Variants in IQSEC3 observed in about 807,000 individuals in gnomAD.
IQSEC3 encodes IQ motif and Sec7 domain ArfGEF 3, also known as IQ motif and SEC7 domain-containing protein 3.
IQSEC3 carries 50 observed loss-of-function variants against 105.4 expected under a neutral mutation model. The observed-to-expected ratio is 0.47, with a 90% CI of 0.38 to 0.60. The LOEUF (loss-of-function observed/expected upper bound fraction) is 0.60, where lower values mean the gene tolerates loss of function less well. Among genes scored for constraint, IQSEC3 ranks in the 20% least tolerant of loss-of-function variants. The pLI is 0.00. For synonymous variants in IQSEC3, 708 were observed against 746.0 expected, an observed-to-expected ratio of 0.95 and a Z score of 0.83; for missense variants, 1,415 against 1,630.0, an observed-to-expected ratio of 0.87 and a Z score of 2.27.
rs111812836 is a variant in IQSEC3 at position 166,039 on chromosome 12, G to T, written c.2971+149G>T. 36 of 782,502 alleles carry T rather than the reference G, an allele frequency of 4.6e-5. No individual in the cohort carries two copies. The African/African-American group carries it at 5.0e-4, about 11-fold the overall frequency. 48.5% of individuals were successfully genotyped at this position (782,502 alleles called of 1,614,324 possible). ...GGCCCCACCGCACCACACTCCCACA[G>T]CCCGGGTGGGAGCACCGGTTCCCAT... On this transcript the variant is annotated intron_variant, in intron 11 of 13. Transcript: ENST00000538872.
intron 2 of IQSEC3, among the ~76,000 whole-genome samples, chr12:101,663 GTCTA>G (rs1427779944): frequency 2.0e-5 from 3 of 152,148 alleles, no homozygotes; most frequent in African/African-American, 4.8e-5. Flanking sequence ...AAGTTGTCCT[GTCTA>G]TCTGTCTGAT....
intron 2 of IQSEC3, among the ~76,000 whole-genome samples, chr12:107,818 T>C (rs1555078468): frequency 8.9e-6 from 1 of 112,708 alleles, no homozygotes; most frequent in Non-Finnish European, 2.0e-5. Context: ...AATTCTTGAG[T>C]ATTGCATCAC....
At chr12:100,036 T>C (rs1864372635) in intron 2 of IQSEC3, among the ~76,000 whole-genome samples, 1 of 152,156 alleles carries the variant, frequency 6.6e-6, no homozygotes, top group Non-Finnish European at 1.5e-5. Flanking sequence ...TCTTGACTTG[T>C]TCTTTACTCC....
intron 2 of IQSEC3, among the ~76,000 whole-genome samples, chr12:117,085 G>A (rs1162763754): frequency 1.3e-5 from 2 of 152,302 alleles, no homozygotes; most frequent in East Asian, 3.9e-4. Flanking sequence ...GAAGCCACAG[G>A]GAGATGACTT....
chr12:78,918 C>A (rs574357638), intron 1 of IQSEC3, among the ~76,000 whole-genome samples: 1 of 152,126 alleles, frequency 6.6e-6, no homozygotes. Flanking sequence ...CACCACCCCC[C>A]ACCCTGACCC....
rs539197682 is a variant in IQSEC3 at position 98,019 on chromosome 12, T to C, written c.555-1127T>C. ...ACTTTTGTTGTTTTACAAAATAGGC[T>C]TCCAGTAAAGATTTGGTTTGGACAA... On this transcript the variant is annotated intron_variant, in intron 1 of 13. Coordinates refer to ENST00000538872, the MANE Select transcript of IQSEC3 (RefSeq NM_001170738.2). Among the ~76,000 whole-genome samples the C allele has an allele frequency of 2.6e-5, 4 of 152,248 alleles. No individual in the cohort carries two copies. In the South Asian group the frequency reaches 8.3e-4, roughly 32 times the overall value.
chr12:106,401 T>TAAA (rs1277137526), intron 2 of IQSEC3: 3 of 152,132 alleles, frequency 2.0e-5, no homozygotes, highest in Non-Finnish European at 4.4e-5. Flanking sequence ...AGCACATAGG[T>TAAA]TATTGTTCAG....
intron 2 of IQSEC3, among the ~76,000 whole-genome samples, chr12:101,594 G>A (rs1404373545): frequency 2.0e-5 from 3 of 152,104 alleles, no homozygotes; most frequent in Non-Finnish European, 4.4e-5. Context: ...GGACAGGGAG[G>A]ACTTGCCCCC....
intron 2 of IQSEC3, among the ~76,000 whole-genome samples, chr12:112,926 T>A (rs1197939406): frequency 6.6e-6 from 1 of 151,852 alleles, no homozygotes; most frequent in East Asian, 1.9e-4. Context: ...TTATTATTAA[T>A]ATTTATTATT....
rs7304892 is a variant in IQSEC3 at position 80,098 on chromosome 12, T to G, written c.554+12662T>G. On this transcript the variant is annotated intron_variant, in intron 1 of 13. Coordinates refer to ENST00000538872, the MANE Select transcript of IQSEC3 (RefSeq NM_001170738.2). Reference sequence around the variant, plus strand: ...GAGAGTTTTGGAAGGCAAGTAATTATTTAAGGTGGGCTTTCTGAGGGCCAG... The same window carrying G: ...GAGAGTTTTGGAAGGCAAGTAATTAGTTAAGGTGGGCTTTCTGAGGGCCAG... Among the ~76,000 whole-genome samples the G allele has an allele frequency of 6.9e-3, 1,046 of 152,302 alleles. 14 individuals are homozygous for G. The highest frequency in any genetic ancestry group is 0.024 in the African/African-American group (1,016 of 41,526).
chr12:161,571 C>A (rs939608771), intron 7 of IQSEC3, among the ~76,000 whole-genome samples: 1 of 151,958 alleles, frequency 6.6e-6, no homozygotes, highest in African/African-American at 2.4e-5. Flanking sequence ...GGGGGTGAGA[C>A]GAACACAAGG....
At chr12:107,408 T>C (rs1469480330) in intron 2 of IQSEC3, among the ~76,000 whole-genome samples, 1 of 131,566 alleles carries the variant, frequency 7.6e-6, no homozygotes, top group Non-Finnish European at 1.6e-5. Flanking sequence ...TTTTCTTTTT[T>C]TTTTTTTTTT....
intron 1 of IQSEC3, 38 bp from the exon 2 acceptor site, chr12:99,108 G>C: frequency 6.3e-7 from 1 of 1,578,638 alleles, no homozygotes; most frequent in Non-Finnish European, 8.6e-7. Context: ...GACCCAGCCT[G>C]CCTCAGGCGC....
At chr12:113,285 T>G (rs1355021216) in intron 2 of IQSEC3, among the ~76,000 whole-genome samples, 1 of 152,252 alleles carries the variant, frequency 6.6e-6, no homozygotes, top group African/African-American at 2.4e-5. Context: ...ACAAGGATCC[T>G]CAGCCTCTGA....
intron 7 of IQSEC3, among the ~76,000 whole-genome samples, chr12:158,089 G>A (rs1429765329): frequency 6.6e-6 from 1 of 152,218 alleles, no homozygotes; most frequent in Non-Finnish European, 1.5e-5. Flanking sequence ...TATGGCACCA[G>A]CTGGCAAGTC....
At chr12:99,427 T>C (rs1460194545) in intron 2 of IQSEC3, among the ~76,000 whole-genome samples, 4 of 152,224 alleles carry the variant, frequency 2.6e-5, no homozygotes, top group Non-Finnish European at 1.5e-5. Flanking sequence ...GATTATGCCC[T>C]GTCGATCACA....
intron 5 of IQSEC3, chr12:144,480 A>G (rs576594792): frequency 6.6e-6 from 1 of 152,272 alleles, no homozygotes; most frequent in East Asian, 1.9e-4. Context: ...AACAGCCCAA[A>G]CCGCAGCACT....
chr12:82,883 G>GT (rs1310829971), intron 1 of IQSEC3, among the ~76,000 whole-genome samples: 1 of 152,184 alleles, frequency 6.6e-6, no homozygotes, highest in Non-Finnish European at 1.5e-5. Flanking sequence ...TCCAGGAGAA[G>GT]TTTTTTCCAA....
In IQSEC3 at chr12:157,112, G is replaced by A. The variant is rs1037804660; in HGVS notation, c.2241G>A (p.Glu747=). 1.9e-6 allele frequency: 3 copies of A among 1,599,776 alleles called. No homozygotes were observed. Among genetic ancestry groups the A allele is most frequent in the East Asian group, 4.5e-5 (2 of 44,328 alleles). ...KFQAHIRVQG[E]AQKVERLIEA... ...AGGCACACATCCGTGTGCAGGGGGA[G>A]GCTCAGAAGGTGGAGCGGCTCATTG... The change falls in exon 6 of 14, where the codon GAG becomes GAA. Residue 747 remains glutamate (E), a synonymous_variant. Coordinates refer to ENST00000538872, the MANE Select transcript of IQSEC3 (RefSeq NM_001170738.2).
Sources: allele counts gnomAD v4.1 joint callset (sites outside exome capture counted in the v4.1 genomes callset), GRCh38; gene constraint gnomAD v4.1.1; transcripts MANE v1.5; gene names NCBI Gene and HGNC (gene_info 2026-07-23, HGNC 2026-07-21).